Variants in BNC2 observed in about 807,000 individuals in gnomAD.
The protein encoded by BNC2 is zinc finger protein basonuclin-2.
BNC2 carries 20 observed loss-of-function variants against 76.3 expected under a neutral mutation model. That is an observed-to-expected ratio of 0.26 (90% CI 0.18 to 0.38). BNC2 has a LOEUF of 0.38. Among genes scored for constraint, BNC2 ranks in the 10% least tolerant of loss-of-function variants. BNC2 has a pLI of 1.00. For synonymous variants in BNC2, 582 were observed against 514.8 expected (o/e 1.13, Z -1.77); for missense variants, 1,382 against 1,399.8 (o/e 0.99, Z 0.20).
intron 1 of BNC2, among the ~76,000 whole-genome samples, chr9:16,862,282 A>G (rs7861573): frequency 0.73 from 110,467 of 152,144 alleles, 40,497 homozygotes; most frequent in East Asian, 0.91. Context: ...GAATGGATAT[A>G]TAAGAGGTAG....
intron 1 of BNC2, among the ~76,000 whole-genome samples, chr9:16,863,141 CT>C (rs1330576726): frequency 6.6e-6 from 1 of 151,924 alleles, no homozygotes; most frequent in Admixed American, 6.5e-5. Context: ...TCTTGAACTC[CT>C]GACCTTGTGA....
chr9:16,616,531 T>C (rs979934381), intron 3 of BNC2, among the ~76,000 whole-genome samples: 9 of 151,122 alleles, frequency 6.0e-5, no homozygotes, highest in Admixed American at 5.9e-4. Flanking sequence ...ACCCTGTCTC[T>C]ACAAAAAAAA....
intron 3 of BNC2, among the ~76,000 whole-genome samples, chr9:16,713,093 A>T (rs1823896860): frequency 6.6e-6 from 1 of 152,194 alleles, no homozygotes; most frequent in Non-Finnish European, 1.5e-5. Flanking sequence ...CCATGGTGGG[A>T]AATTGTCATG....
intron 1 of BNC2, among the ~76,000 whole-genome samples, chr9:16,759,215 T>C (rs562251308): frequency 3.3e-5 from 5 of 152,324 alleles, no homozygotes; most frequent in East Asian, 3.9e-4. Context: ...ATCGAGGCAA[T>C]TGGAATTGAG....
chr9:16,829,816 A>G (rs1818538951), intron 1 of BNC2, among the ~76,000 whole-genome samples: 1 of 152,216 alleles, frequency 6.6e-6, no homozygotes, highest in Admixed American at 6.5e-5. Context: ...CAAGCTTAAA[A>G]ATACTTAAGA....
chr9:16,470,298 G>A (rs1821795482), intron 5 of BNC2, among the ~76,000 whole-genome samples: 1 of 152,040 alleles, frequency 6.6e-6, no homozygotes, highest in Admixed American at 6.5e-5. Flanking sequence ...TGCCCAGCCG[G>A]CATTCAGTTT....
At chr9:16,681,294 A>C (rs1822813837) in intron 3 of BNC2, among the ~76,000 whole-genome samples, 1 of 152,216 alleles carries the variant, frequency 6.6e-6, no homozygotes, top group Non-Finnish European at 1.5e-5. Context: ...AGAGAGTCAT[A>C]TGGACCTCAT....
chr9:16,786,959 T>A (rs976680346), intron 1 of BNC2, among the ~76,000 whole-genome samples: 9 of 152,116 alleles, frequency 5.9e-5, no homozygotes, highest in African/African-American at 2.2e-4. Flanking sequence ...GATCTGACAA[T>A]CAGTGATTAA....
At chr9:16,439,047 T>G (rs1209921537) in intron 5 of BNC2, among the ~76,000 whole-genome samples, 5 of 152,092 alleles carry the variant, frequency 3.3e-5, no homozygotes, top group African/African-American at 2.4e-5. Flanking sequence ...TCTCATGAGA[T>G]CTGATGGTTT....
At chr9:16,622,661 G>C (rs528008099) in intron 3 of BNC2, among the ~76,000 whole-genome samples, 1 of 152,110 alleles carries the variant, frequency 6.6e-6, no homozygotes, top group African/African-American at 2.4e-5. Flanking sequence ...TGCACAGATT[G>C]CATCAGTTAT....
At chr9:16,594,632 G>C (rs948929842) in intron 3 of BNC2, among the ~76,000 whole-genome samples, 4 of 152,280 alleles carry the variant, frequency 2.6e-5, no homozygotes, top group South Asian at 4.1e-4. Flanking sequence ...GAGACAGACT[G>C]TAAGACTAAT....
At chr9:16,572,552 T>C (rs1305336545) in intron 4 of BNC2, among the ~76,000 whole-genome samples, 2 of 152,146 alleles carry the variant, frequency 1.3e-5, no homozygotes, top group South Asian at 2.1e-4. Context: ...TTCCTGAGCT[T>C]TTCAAGTTAG....
intron 3 of BNC2, among the ~76,000 whole-genome samples, chr9:16,695,808 T>C (rs1193271399): frequency 6.6e-6 from 1 of 152,156 alleles, no homozygotes; most frequent in African/African-American, 2.4e-5. Flanking sequence ...CAGTCCTGCA[T>C]TTTCAAACTC....
At position 16,870,663 on chromosome 9, in the gene BNC2, T is replaced by TTTG; in HGVS notation, c.-16_-15insCAA. 1 of 1,610,424 alleles carries TTTG rather than the reference T, an allele frequency of 6.2e-7. No homozygotes were observed. The highest frequency in any genetic ancestry group is 1.1e-5 in the South Asian group (1 of 90,612). On this transcript the variant is annotated 5_prime_UTR_variant, in exon 1 of 7. Transcript: ENST00000380672. Reference sequence around the variant, plus strand: ...CTTCTTACCATCTCGGCATGCTGGTTGTCAAGTGCAGCCCCCGCCTCTTGG... The same window carrying TTTG: ...CTTCTTACCATCTCGGCATGCTGGTTTTGGTCAAGTGCAGCCCCCGCCTCTTGG...
At chr9:16,638,296 A>C (rs1821387322) in intron 3 of BNC2, among the ~76,000 whole-genome samples, 1 of 152,214 alleles carries the variant, frequency 6.6e-6, no homozygotes, top group African/African-American at 2.4e-5. Context: ...ATACATAAGC[A>C]AACTTTTCAT....
At chr9:16,491,014 G>A (rs1490478877) in intron 5 of BNC2, among the ~76,000 whole-genome samples, 1 of 152,172 alleles carries the variant, frequency 6.6e-6, no homozygotes, top group Non-Finnish European at 1.5e-5. Flanking sequence ...GAGCAGAGGT[G>A]TGGAGGCGGA....
chr9:16,693,583 T>C (rs942751240), intron 3 of BNC2, among the ~76,000 whole-genome samples: 5 of 152,132 alleles, frequency 3.3e-5, no homozygotes, highest in African/African-American at 1.2e-4. Flanking sequence ...CCATGTAAAC[T>C]AGAAAACCAA....
intron 1 of BNC2, among the ~76,000 whole-genome samples, chr9:16,749,254 ACT>A (rs1825108156): frequency 6.6e-6 from 1 of 152,134 alleles, no homozygotes; most frequent in East Asian, 1.9e-4. Flanking sequence ...GTAAATAAGC[ACT>A]CTCTTACAAA....
At chr9:16,753,571 G>A (rs1289032151) in intron 1 of BNC2, among the ~76,000 whole-genome samples, 1 of 152,144 alleles carries the variant, frequency 6.6e-6, no homozygotes, top group Non-Finnish European at 1.5e-5. Flanking sequence ...CAAATTGTAT[G>A]GCAAGGGGTA....
Sources: gnomAD v4.1 joint callset for allele counts (sites outside exome capture counted in the v4.1 genomes callset) on GRCh38, gnomAD v4.1.1 for gene constraint, MANE v1.5 for transcripts, NCBI Gene and HGNC (gene_info 2026-07-23, HGNC 2026-07-21) for gene names.